Variants in ITGA2 observed in about 807,000 individuals in gnomAD.
ITGA2 encodes integrin subunit alpha 2.
In ITGA2, 101 loss-of-function variants were observed where a neutral mutation model predicts 146.3. The ratio of observed to expected loss-of-function variants is 0.69; its 90% CI spans 0.59 to 0.81. The LOEUF (loss-of-function observed/expected upper bound fraction) is 0.81. ITGA2 is among the 40% of genes least tolerant of loss of function. The pLI is 0.00. For synonymous variants in ITGA2, 477 were observed against 487.1 expected (o/e 0.98, Z 0.27); for missense variants, 1,281 against 1,402.7 (o/e 0.91, Z 1.39).
chr5:53,033,764 ATTTT>A (rs138567152), intron 2 of ITGA2, among the ~76,000 whole-genome samples: 3 of 135,870 alleles, frequency 2.2e-5, no homozygotes, highest in Non-Finnish European at 3.2e-5. Flanking sequence ...TACTAGGCTA[ATTTT>A]TTTTTTTTTT....
intron 1 of ITGA2, among the ~76,000 whole-genome samples, chr5:53,017,875 A>AG (rs979584925): frequency 4.6e-5 from 7 of 152,054 alleles, no homozygotes; most frequent in African/African-American, 1.7e-4. Context: ...GGCATGGGTA[A>AG]GCGCATGCTG....
intron 2 of ITGA2, among the ~76,000 whole-genome samples, chr5:53,040,488 C>T (rs1743736125): frequency 6.6e-6 from 1 of 152,186 alleles, no homozygotes; most frequent in Non-Finnish European, 1.5e-5. Context: ...GGTTCCCTCC[C>T]TTCATTAAAG....
intron 7 of ITGA2, among the ~76,000 whole-genome samples, chr5:53,053,540 C>A (rs781267439): frequency 2.6e-5 from 4 of 152,086 alleles, no homozygotes; most frequent in African/African-American, 7.2e-5. Context: ...CTGGAAGGAG[C>A]CTGGGGCCCT....
At chr5:53,090,208 A>G in intron 29 of ITGA2, 146 bp downstream of exon 29, 1 of 711,214 alleles carries the variant, frequency 1.4e-6, no homozygotes, top group Non-Finnish European at 2.5e-6. Flanking sequence ...TTTCTTACTC[A>G]TGTCATTAAA....
At chr5:53,089,573 C>T (rs960984727) in intron 28 of ITGA2, 2 of 204,360 alleles carry the variant, frequency 9.8e-6, no homozygotes, top group South Asian at 8.7e-5. Context: ...AGAGTTTCTT[C>T]GACTCCCTTC....
chr5:53,021,558 A>G (rs541393782), intron 1 of ITGA2, among the ~76,000 whole-genome samples: 4 of 152,154 alleles, frequency 2.6e-5, no homozygotes, highest in East Asian at 3.9e-4. Flanking sequence ...CCTGATCACT[A>G]TTGCACCACG....
At chr5:52,994,277 A>G (rs1345246626) in intron 1 of ITGA2, among the ~76,000 whole-genome samples, 2 of 152,192 alleles carry the variant, frequency 1.3e-5, no homozygotes, top group African/African-American at 4.8e-5. Flanking sequence ...GGGAAAGGAA[A>G]TTGTCTCAGC....
chr5:53,089,945 G>T lies in ITGA2; in HGVS notation c.3349-1G>T. 1 of 1,572,404 alleles carries T rather than the reference G, an allele frequency of 6.4e-7. No individual in the cohort carries two copies. The highest frequency in any genetic ancestry group is 1.3e-5 in the African/African-American group (1 of 74,170). Reference sequence around the variant, plus strand: ...ACTCAACTGTGAACTGACATTTCCAGATTCCCCTGATGATAATGAAACCTG... The same window carrying T: ...ACTCAACTGTGAACTGACATTTCCATATTCCCCTGATGATAATGAAACCTG... On this transcript the variant is annotated splice_acceptor_variant, in intron 28 of 29. Transcript: ENST00000296585. LOFTEE classifies it high-confidence loss of function.
Position 52,989,478 on chromosome 5 carries a change from G to T in ITGA2, c.10G>T (p.Glu4Ter). MGP[E>*]RTGAAPLPLL... ...CCCGGTCAGACCCAGGATGGGGCCA[G>T]AACGGACAGGGGCCGCGCCGCTGCC... The change falls in exon 1 of 30, where the codon GAA becomes TAA. Residue 4 changes from glutamate (E) to a stop codon, truncating the protein, a stop_gained. Transcript: ENST00000296585. LOFTEE classifies it high-confidence loss of function. 6.2e-7 allele frequency: 1 copy of T among 1,614,206 alleles called. No individual in the cohort carries two copies. The highest frequency in any genetic ancestry group is 8.5e-7 in the Non-Finnish European group (1 of 1,180,024).
Position 53,045,019 on chromosome 5 carries a change from A to C in ITGA2, c.314A>C (p.Asn105Thr), listed in dbSNP as rs771091240. 4.3e-6 allele frequency: 7 copies of C among 1,613,576 alleles called. No individual in the cohort carries two copies. The African/African-American group carries it at 9.3e-5, about 22-fold the overall frequency. The change falls in exon 4 of 30, where the codon AAT becomes ACT. Residue 105 changes from asparagine (N) to threonine (T), a missense_variant. Around this residue, in one of 3 missense-constraint regions of ITGA2, gnomAD observed 795 missense variants for 841.7 expected, o/e 0.94. Coordinates refer to ENST00000296585, the MANE Select transcript of ITGA2 (RefSeq NM_002203.4). ...TTGAAAGCTTCAACAAGCATTCCAAATGTTACTGAGATGAAAACCAACATG... is the reference window on the plus strand; with the variant it reads ...TTGAAAGCTTCAACAAGCATTCCAACTGTTACTGAGATGAAAACCAACATG... Reference protein sequence around the residue: ...LNLQTSTSIPNVTEMKTNMSL... With the variant: ...LNLQTSTSIPTVTEMKTNMSL...
At chr5:53,090,314 T>C (rs1740349339) in intron 29 of ITGA2, among the ~76,000 whole-genome samples, 1 of 152,206 alleles carries the variant, frequency 6.6e-6, no homozygotes, top group Admixed American at 6.5e-5. Context: ...CTGAAAAATG[T>C]AGCTTTATGC....
chr5:53,028,263 C>T (rs1354248480), intron 2 of ITGA2, among the ~76,000 whole-genome samples: 1 of 152,146 alleles, frequency 6.6e-6, no homozygotes, highest in Non-Finnish European at 1.5e-5. Context: ...CATTTCTCAG[C>T]AGGCATCTTG....
chr5:52,995,859 G>A (rs186661740), intron 1 of ITGA2, among the ~76,000 whole-genome samples: 4 of 152,290 alleles, frequency 2.6e-5, no homozygotes, highest in Non-Finnish European at 4.4e-5. Flanking sequence ...TGCTTTAGAG[G>A]GTCAGGTGAG....
At chr5:53,001,548 C>T (rs1741585467) in intron 1 of ITGA2, among the ~76,000 whole-genome samples, 1 of 152,188 alleles carries the variant, frequency 6.6e-6, no homozygotes, top group South Asian at 2.1e-4. Context: ...GCTTTCTTCA[C>T]TGTCCTCTAG....
chr5:53,071,999 G>T lies in ITGA2; in HGVS notation c.2297G>T (p.Gly766Val), dbSNP rs1236992598. Residue 766 changes from glycine (G) to valine (V), a missense_variant, in exon 18 of 30, where the codon GGC (glycine) becomes GTC (valine). Gly to Val is a moderately radical substitution (Grantham distance 109). Around this residue, in one of 3 missense-constraint regions of ITGA2, gnomAD observed 475 missense variants for 530.5 expected, o/e 0.90. Transcript: ENST00000296585. ...GTGGACATCAGTCTGGAAAACCCTG[G>T]CACTAGCCCTGCCCTTGAAGCCTAT... ...LRVDISLENP[G>V]TSPALEAYSE... The T allele has an allele frequency of 1.6e-5, 26 of 1,612,188 alleles. No individual in the cohort carries two copies. The highest frequency in any genetic ancestry group is 1.9e-5 in the Non-Finnish European group (22 of 1,178,928).
At chr5:53,081,897 C>T (rs1256583787) in intron 26 of ITGA2, among the ~76,000 whole-genome samples, 2 of 152,146 alleles carry the variant, frequency 1.3e-5, no homozygotes, top group Admixed American at 6.5e-5. Flanking sequence ...TTTGCACCAA[C>T]CTAATATGTG....
rs144380292 is a variant in ITGA2 at position 53,072,019 on chromosome 5, G to T, written c.2317G>T (p.Ala773Ser). 4.9e-5 allele frequency: 79 copies of T among 1,611,960 alleles called. No individual in the cohort carries two copies. The Middle Eastern group carries it at 6.6e-4, about 13-fold the overall frequency. ...CCCTGGCACTAGCCCTGCCCTTGAA[G>T]CCTATTCTGAGACTGCCAAGGTCTT... ...ENPGTSPALE[A>S]YSETAKVFSI... Residue 773 changes from alanine (A) to serine (S), a missense_variant, in exon 18 of 30, where the codon GCC (alanine) becomes TCC (serine). By Grantham distance (99) the Ala-to-Ser change is moderately conservative. This residue lies in a region of ITGA2 where 475 missense variants were observed against 530.5 expected (regional missense o/e 0.90). Coordinates refer to ENST00000296585, the MANE Select transcript of ITGA2 (RefSeq NM_002203.4).
chr5:53,026,771 T>C lies in ITGA2; in HGVS notation c.88T>C (p.Tyr30His). 6.8e-6 allele frequency: 11 copies of C among 1,611,502 alleles called. No individual in the cohort carries two copies. The highest frequency in any genetic ancestry group is 9.3e-6 in the Non-Finnish European group (11 of 1,177,664). Residue 30 changes from tyrosine to histidine, a missense_variant, in exon 2 of 30, where the codon TAC becomes CAC. Transcript: ENST00000296585. ...SQGILNCCLA[Y>H]NVGLPEAKIF... is the part of the protein sequence containing the mutation. Reference sequence around the variant, plus strand: ...AGGCATTTTAAATTGTTGTTTGGCCTACAATGTTGGTCTCCCAGAAGCAAA... The same window carrying C: ...AGGCATTTTAAATTGTTGTTTGGCCCACAATGTTGGTCTCCCAGAAGCAAA...
At position 53,020,848 on chromosome 5, in the gene ITGA2, A is replaced by AT. The variant is rs532121575; in HGVS notation, c.65-5882dup. Among the ~76,000 whole-genome samples, 610 of 133,358 alleles carry AT rather than the reference A, an allele frequency of 4.6e-3. 2 individuals carry two copies. Among genetic ancestry groups the AT allele is most frequent in the South Asian group, 0.014 (59 of 4,076 alleles). 87.5% of individuals were successfully genotyped at this position (133,358 alleles called of 152,430 possible). A position where few individuals can be genotyped will look rare whatever the true frequency, so the allele number is the denominator to read the frequency against. ...AGGTATGTGCCACCATGTCCGGCTA[A>AT]TTTTTTTTTTTTTTTTTTGTATTTT... On this transcript the variant is annotated intron_variant, in intron 1 of 29. Coordinates refer to ENST00000296585, the MANE Select transcript of ITGA2 (RefSeq NM_002203.4).
Sources: gnomAD v4.1 joint callset for allele counts (sites outside exome capture counted in the v4.1 genomes callset) on GRCh38, gnomAD v4.1.1 for gene constraint, gnomAD v4.1.1 regional missense constraint, MANE v1.5 for transcripts, NCBI Gene and HGNC (gene_info 2026-07-23, HGNC 2026-07-21) for gene names.